The following MID1 variants were observed in gnomAD, a reference collection of about 807,000 sequenced individuals.
MID1 encodes the protein E3 ubiquitin-protein ligase Midline-1.
Under a neutral mutation model 40.4 loss-of-function variants are expected in MID1, and 7 were observed. The ratio of observed to expected loss-of-function variants is 0.17; its 90% CI spans 0.10 to 0.33. MID1 has a LOEUF of 0.33. MID1 is among the 10% of genes least tolerant of loss of function. The probability of loss-of-function intolerance (pLI) is 1.00; values close to 1 mark genes in which losing one functional copy is unlikely to be tolerated. For synonymous variants in MID1, 229 were observed against 221.2 expected (o/e 1.04, Z -0.31); for missense variants, 367 against 558.5 (o/e 0.66, Z 3.46).
In MID1 at chrX:10,830,976, G is replaced by T. The variant is rs746472229; in HGVS notation, c.-187+2578C>A. ...TGGTTTGATCAATATTCTGGGCCTAGATTGTCAAAGGCAGTTTCCTAACTT... is the reference window on the plus strand; with the variant it reads ...TGGTTTGATCAATATTCTGGGCCTATATTGTCAAAGGCAGTTTCCTAACTT... On this transcript the variant is annotated intron_variant, in intron 1 of 10. Coordinates refer to the MID1 transcript ENST00000380785. Among the ~76,000 whole-genome samples the T allele has an allele frequency of 6.2e-5, 7 of 112,020 alleles. No homozygotes were observed. The South Asian group carries it at 2.6e-3, about 42-fold the overall frequency.
chrX:10,671,803 T>C (rs1243862647), intron 1 of MID1, among the ~76,000 whole-genome samples: 2 of 111,833 alleles, frequency 1.8e-5, no homozygotes, highest in Non-Finnish European at 3.8e-5. Flanking sequence ...TCCATCTCCA[T>C]AGGGCTCTCT....
chrX:10,507,880 C>T (rs748477611), intron 3 of MID1, among the ~76,000 whole-genome samples: 27 of 112,360 alleles, frequency 2.4e-4, no homozygotes, highest in Non-Finnish European at 4.7e-4. Context: ...TCTATGCAGT[C>T]CTTGCTTCTC....
At chrX:10,782,204 T>C (rs1301980375) in intron 1 of MID1, among the ~76,000 whole-genome samples, 1 of 111,994 alleles carries the variant, frequency 8.9e-6, no homozygotes. Flanking sequence ...CAAGTCATCA[T>C]GAAATCTCTT....
chrX:10,557,163 C>T (rs1321883773), intron 2 of MID1, among the ~76,000 whole-genome samples: 1 of 108,264 alleles, frequency 9.2e-6, no homozygotes, highest in East Asian at 2.9e-4. Flanking sequence ...TCAAGATGGC[C>T]AAATCTACAC....
intron 1 of MID1, among the ~76,000 whole-genome samples, chrX:10,784,835 A>G (rs1365192019): frequency 1.8e-5 from 2 of 111,190 alleles, no homozygotes; most frequent in Admixed American, 1.9e-4. Flanking sequence ...TCAAAATAAT[A>G]GGAGCTATCT....
At chrX:10,669,225 C>CA (rs1350249196) in intron 1 of MID1, among the ~76,000 whole-genome samples, 2 of 33,940 alleles carry the variant, frequency 5.9e-5, no homozygotes, top group African/African-American at 1.5e-4. Flanking sequence ...GACTCCGTCT[C>CA]AAAATAAAAA....
chrX:10,783,370 C>T (rs538482659), intron 1 of MID1, among the ~76,000 whole-genome samples: 6 of 111,837 alleles, frequency 5.4e-5, no homozygotes, highest in African/African-American at 1.9e-4. Context: ...GCAGGACCAT[C>T]CTTATTTAAA....
chrX:10,466,227 T>G (rs768103874), intron 7 of MID1, among the ~76,000 whole-genome samples: 1 of 112,381 alleles, frequency 8.9e-6, no homozygotes, highest in East Asian at 2.8e-4. Flanking sequence ...GAATTTCATC[T>G]TCTTCAAGTT....
chrX:10,772,210 T>C (rs1305507006), intron 1 of MID1, among the ~76,000 whole-genome samples: 3 of 111,141 alleles, frequency 2.7e-5, no homozygotes, highest in Non-Finnish European at 5.6e-5. Flanking sequence ...ATCATATATA[T>C]GATGGAATAC....
chrX:10,765,227 C>T (rs1320749085), intron 1 of MID1, among the ~76,000 whole-genome samples: 2 of 112,167 alleles, frequency 1.8e-5, no homozygotes, highest in Non-Finnish European at 3.8e-5. Context: ...AGCATTAAGC[C>T]TTCTGCAGAG....
At chrX:10,746,335 C>G (rs1488685985) in intron 1 of MID1, among the ~76,000 whole-genome samples, 1 of 112,011 alleles carries the variant, frequency 8.9e-6, no homozygotes, top group African/African-American at 3.2e-5. Context: ...GCCACACCCA[C>G]TACCAATTTT....
At chrX:10,467,201 A>T (rs1383208388) in intron 7 of MID1, among the ~76,000 whole-genome samples, 2 of 112,134 alleles carry the variant, frequency 1.8e-5, no homozygotes, top group African/African-American at 6.5e-5. Context: ...GATATCTCAG[A>T]CATAATATTT....
intron 2 of MID1, among the ~76,000 whole-genome samples, chrX:10,540,972 T>C (rs1369681818): frequency 8.9e-6 from 1 of 111,902 alleles, no homozygotes; most frequent in African/African-American, 3.3e-5. Flanking sequence ...GAATTGAGAG[T>C]GCAGAGTGCT....
intron 2 of MID1, among the ~76,000 whole-genome samples, chrX:10,533,324 A>AAAGG (rs1933057036): frequency 2.8e-5 from 2 of 70,757 alleles, no homozygotes; most frequent in East Asian, 5.0e-4. Flanking sequence ...AGAAAGAAAG[A>AAAGG]AAGGAAAGAA....
chrX:10,602,951 C>G (rs1041857817), intron 1 of MID1, among the ~76,000 whole-genome samples: 4 of 112,604 alleles, frequency 3.6e-5, no homozygotes, highest in African/African-American at 1.3e-4. Flanking sequence ...TAGACACTGG[C>G]TTGTTTTGCC....
At chrX:10,461,869 A>G (rs1481220889) in intron 7 of MID1, among the ~76,000 whole-genome samples, 1 of 112,185 alleles carries the variant, frequency 8.9e-6, no homozygotes, top group Non-Finnish European at 1.9e-5. Context: ...TTGTGGTCAA[A>G]GAAAGCAAGT....
intron 3 of MID1, among the ~76,000 whole-genome samples, chrX:10,503,659 C>T (rs759620262): frequency 8.9e-6 from 1 of 111,834 alleles, no homozygotes; most frequent in Non-Finnish European, 1.9e-5. Context: ...AGCATAGTGA[C>T]GTAGTGGAAA....
At chrX:10,503,501 T>C (rs1038812050) in intron 3 of MID1, among the ~76,000 whole-genome samples, 1 of 112,467 alleles carries the variant, frequency 8.9e-6, no homozygotes, top group Non-Finnish European at 1.9e-5. Context: ...GTTAATTTAA[T>C]ATTTAACATT....
intron 1 of MID1, among the ~76,000 whole-genome samples, chrX:10,652,840 T>C (rs1217848850): frequency 8.9e-6 from 1 of 111,756 alleles, no homozygotes; most frequent in Non-Finnish European, 1.9e-5. Context: ...CTTAGTTTCT[T>C]CAGGTGTCTG....
Sources: gnomAD v4.1 joint callset for allele counts (sites outside exome capture counted in the v4.1 genomes callset) on GRCh38, gnomAD v4.1.1 for gene constraint, MANE v1.5 for transcripts, NCBI Gene and HGNC (gene_info 2026-07-23, HGNC 2026-07-21) for gene names.